The following PDE10A variants were observed in gnomAD, a reference collection of about 807,000 sequenced individuals.
The protein encoded by PDE10A is phosphodiesterase 10A, also known as cAMP and cAMP-inhibited cGMP 3',5'-cyclic phosphodiesterase 10A.
A neutral mutation model predicts 97.7 loss-of-function variants in PDE10A; 39 were observed. That is an observed-to-expected ratio of 0.40 (90% CI 0.31 to 0.52). The LOEUF (loss-of-function observed/expected upper bound fraction) is 0.52. Among genes scored for constraint, PDE10A ranks in the 20% least tolerant of loss-of-function variants. The pLI is 0.56. For missense variants in PDE10A, 731 were observed against 1,047.8 expected (o/e 0.70, Z 4.17); for synonymous variants, 371 against 376.8 (o/e 0.98, Z 0.18).
At chr6:165,823,524 A>ATATATATATATATGTG (rs72442429) in intron 1 of PDE10A, among the ~76,000 whole-genome samples, 1 of 79,482 alleles carries the variant, frequency 1.3e-5, no homozygotes, top group Non-Finnish European at 2.8e-5. Context: ...ATATATATAT[A>ATATATATATATATGTG]TGAACCTTAA....
intron 18 of PDE10A, among the ~76,000 whole-genome samples, chr6:165,354,986 T>C (rs1200930146): frequency 2.0e-5 from 3 of 152,204 alleles, no homozygotes; most frequent in Non-Finnish European, 2.9e-5. Context: ...ATTATAACTT[T>C]ACTCATTATA....
rs1790359865 is a variant in PDE10A, at chr6:165,662,845, G to GGGCGGGAGGGGCGC, written c.-48_-35dup. Among the ~76,000 whole-genome samples, 1 of 150,384 alleles carries GGGCGGGAGGGGCGC rather than the reference G, an allele frequency of 6.6e-6. No individual in the cohort carries two copies. The highest frequency in any genetic ancestry group is 2.1e-4 in the South Asian group (1 of 4,766). ...CCCGGGCCGCGGAGGGGCAGGCCGC[G>GGGCGGGAGGGGCGC]GGCGGGAGGGGCGCGGCGGGCCGGG... On this transcript the variant is annotated 5_prime_UTR_variant, in exon 1 of 22. Transcript: ENST00000539869.
At chr6:165,562,502 C>G (rs1337145492) in intron 1 of PDE10A, among the ~76,000 whole-genome samples, 1 of 152,128 alleles carries the variant, frequency 6.6e-6, no homozygotes, top group East Asian at 1.9e-4. Flanking sequence ...CCATTAAAAA[C>G]AGCAACTAAC....
intron 1 of PDE10A, among the ~76,000 whole-genome samples, chr6:165,620,356 C>T (rs1426209816): frequency 6.6e-6 from 1 of 152,142 alleles, no homozygotes; most frequent in East Asian, 1.9e-4. Context: ...CAAAGAGATG[C>T]TTCTCGTAAG....
chr6:165,528,170 G>A (rs1235295387), intron 2 of PDE10A, among the ~76,000 whole-genome samples: 1 of 152,206 alleles, frequency 6.6e-6, no homozygotes, highest in African/African-American at 2.4e-5. Flanking sequence ...AGCAATTTGG[G>A]GAAGAGGTAT....
Position 165,482,364 on chromosome 6 carries a change from G to C in PDE10A, c.995-21C>G, listed in dbSNP as rs758234277. ...TTCATCTGGGGATAGAGAAGGAAGA[G>C]GGAAAAACACAATTAGCGACTGAGT... On this transcript the variant is annotated intron_variant, in intron 2 of 21. Transcript: ENST00000539869. 8.8e-6 allele frequency: 14 copies of C among 1,590,738 alleles called. No homozygotes were observed. The African/African-American group carries it at 1.8e-4, about 20-fold the overall frequency.
chr6:165,875,735 T>TTTTTTGG (rs1554334705), intron 1 of PDE10A, among the ~76,000 whole-genome samples: 2 of 69,928 alleles, frequency 2.9e-5, no homozygotes, highest in East Asian at 4.8e-4. Flanking sequence ...TTTACTGTTT[T>TTTTTTGG]TTTTTTTTTT....
intron 18 of PDE10A, among the ~76,000 whole-genome samples, chr6:165,369,193 C>G (rs929711651): frequency 1.3e-5 from 2 of 152,178 alleles, no homozygotes; most frequent in African/African-American, 4.8e-5. Context: ...CAAAGGAACA[C>G]AGTTCCTCAC....
intron 1 of PDE10A, chr6:165,775,876 CT>C (rs1778165586): frequency 1.3e-5 from 2 of 152,178 alleles, no homozygotes; most frequent in African/African-American, 4.8e-5. Flanking sequence ...AAAACTTATA[CT>C]TAAATTTCAG....
chr6:165,698,817 G>T (rs546573865), intron 1 of PDE10A, among the ~76,000 whole-genome samples: 3 of 151,868 alleles, frequency 2.0e-5, no homozygotes, highest in African/African-American at 7.2e-5. Context: ...CTCCAGCAGG[G>T]GTGACAGAGT....
chr6:165,584,535 C>A (rs112122589), intron 1 of PDE10A, among the ~76,000 whole-genome samples: 5 of 130,640 alleles, frequency 3.8e-5, no homozygotes, highest in African/African-American at 1.0e-4. Flanking sequence ...TGACAGCCAG[C>A]ACCTCTGGGG....
intron 1 of PDE10A, among the ~76,000 whole-genome samples, chr6:165,930,031 T>C (rs1562803041): frequency 1.4e-5 from 2 of 146,190 alleles, no homozygotes; most frequent in Non-Finnish European, 3.0e-5. Context: ...CACATATCAC[T>C]CCAGAAATGA....
intron 1 of PDE10A, among the ~76,000 whole-genome samples, chr6:165,867,723 G>T (rs530902687): frequency 1.3e-5 from 2 of 151,914 alleles, no homozygotes; most frequent in African/African-American, 4.8e-5. Flanking sequence ...TACAGAATAC[G>T]CATTCTCCTT....
intron 3 of PDE10A, among the ~76,000 whole-genome samples, chr6:165,477,642 T>C (rs1331150539): frequency 1.3e-5 from 2 of 152,198 alleles, no homozygotes; most frequent in African/African-American, 2.4e-5. Flanking sequence ...ACACTCAGCA[T>C]TTCCTAGATG....
intron 5 of PDE10A, 96 bp from the exon 6 acceptor site, chr6:165,435,473 G>T: frequency 1.9e-6 from 2 of 1,054,812 alleles, no homozygotes; most frequent in Non-Finnish European, 2.6e-6. Context: ...AAATCTGTGA[G>T]CCAATTAAAA....
At chr6:165,757,126 C>A (rs905625051) in intron 1 of PDE10A, among the ~76,000 whole-genome samples, 2 of 152,074 alleles carry the variant, frequency 1.3e-5, no homozygotes, top group African/African-American at 2.4e-5. Context: ...ACCACCACAT[C>A]CGGCTAATTT....
At position 165,762,028 on chromosome 6, in the gene PDE10A, G is replaced by C. The variant is rs797004347; in HGVS notation, c.-614-218460C>G. Among the ~76,000 whole-genome samples, 60 of 152,266 alleles carry C rather than the reference G, an allele frequency of 3.9e-4. 1 individual carries two copies. Among genetic ancestry groups the C allele is most frequent in the African/African-American group, 1.4e-3 (58 of 41,548 alleles). Reference sequence around the variant, plus strand: ...CAACAAAGTTACCTTTGTCTTATATGAGTTCCTTTCTCAGAAAACCAACCA... The same window carrying C: ...CAACAAAGTTACCTTTGTCTTATATCAGTTCCTTTCTCAGAAAACCAACCA... On this transcript the variant is annotated intron_variant, in intron 1 of 19. Coordinates refer to the PDE10A transcript ENST00000366882.
intron 1 of PDE10A, among the ~76,000 whole-genome samples, chr6:165,806,938 T>G (rs1194069566): frequency 6.6e-6 from 1 of 152,214 alleles, no homozygotes; most frequent in Non-Finnish European, 1.5e-5. Context: ...GTTTTTTCAC[T>G]CAGTGAGCAC....
chr6:165,368,881 C>A (rs1424306473), intron 18 of PDE10A, among the ~76,000 whole-genome samples: 6 of 152,210 alleles, frequency 3.9e-5, no homozygotes, highest in African/African-American at 1.4e-4. Flanking sequence ...TGAGACAAAA[C>A]TTCCAGAGGA....
Sources: gnomAD v4.1 joint callset for allele counts (sites outside exome capture counted in the v4.1 genomes callset) on GRCh38, gnomAD v4.1.1 for gene constraint, MANE v1.5 for transcripts, NCBI Gene and HGNC (gene_info 2026-07-23, HGNC 2026-07-21) for gene names.